ESR1: variants seen among roughly 807,000 people sequenced by gnomAD.
The protein encoded by ESR1 is estrogen receptor.
ESR1 carries 12 observed loss-of-function variants against 52.7 expected under a neutral mutation model. The ratio of observed to expected loss-of-function variants is 0.23; its 90% CI spans 0.15 to 0.37. The LOEUF (loss-of-function observed/expected upper bound fraction) is 0.37. ESR1 is among the 10% of genes least tolerant of loss of function. The pLI is 1.00. For synonymous variants in ESR1, 305 were observed against 316.8 expected, an observed-to-expected ratio of 0.96 and a Z score of 0.39; for missense variants, 584 against 779.7, an observed-to-expected ratio of 0.75 and a Z score of 2.99.
In ESR1 at chr6:152,101,034, GT is replaced by G. The variant is rs11285435; in HGVS notation, c.*2085del. On this transcript the variant is annotated 3_prime_UTR_variant, in exon 8 of 8. Transcript: ENST00000206249. ...TGCAAAAACCAAGGAAAAATATTTA[GT>G]TTTTTTTTTTTTTTTTGTATACTTT... 32,230 of 193,706 alleles carry G rather than the reference GT, an allele frequency of 0.17. 1,220 individuals carry two copies. The highest frequency in any genetic ancestry group is 0.18 in the Non-Finnish European group (18,286 of 99,648). 12.0% of individuals were successfully genotyped at this position (193,706 alleles called of 1,614,324 possible).
intron 4 of ESR1, among the ~76,000 whole-genome samples, chr6:152,010,465 G>A (rs1308148513): frequency 6.6e-6 from 1 of 152,086 alleles, no homozygotes; most frequent in Non-Finnish European, 1.5e-5. Flanking sequence ...AGGAAAGGTT[G>A]AGGGCAAAGA....
At chr6:151,843,400 G>A (rs1018505628) in intron 2 of ESR1, among the ~76,000 whole-genome samples, 4 of 152,100 alleles carry the variant, frequency 2.6e-5, no homozygotes, top group Admixed American at 6.5e-5. Context: ...TCATTTTCCC[G>A]CCTGCCTCCA....
chr6:152,030,151 C>T (rs971082165), intron 5 of ESR1, among the ~76,000 whole-genome samples: 21 of 152,200 alleles, frequency 1.4e-4, no homozygotes, highest in South Asian at 4.1e-4. Flanking sequence ...GCACTAAACA[C>T]GGAAAGGAAC....
chr6:152,053,446 C>T lies in ESR1; in HGVS notation c.1236-7545C>T, dbSNP rs1005739656. Among the ~76,000 whole-genome samples, 2 of 152,024 alleles carry T rather than the reference C, an allele frequency of 1.3e-5. No individual in the cohort carries two copies. The highest frequency in any genetic ancestry group is 4.8e-5 in the African/African-American group (2 of 41,380). ...CCTCTCTCTTTCAATCTTTCTCTCC[C>T]TCAGTCTCTCTTTCTCTTTCCCTCT... is the stretch of plus-strand genomic sequence containing the variant. On this transcript the variant is annotated intron_variant, in intron 5 of 7. Coordinates refer to ENST00000206249, the MANE Select transcript of ESR1 (RefSeq NM_000125.4). The surrounding 1 kb of genome is among the most constrained non-coding windows in gnomAD (Gnocchi z 4.1).
At chr6:152,033,546 C>T (rs1239269435) in intron 5 of ESR1, among the ~76,000 whole-genome samples, 1 of 152,172 alleles carries the variant, frequency 6.6e-6, no homozygotes, top group Non-Finnish European at 1.5e-5. Flanking sequence ...TGAAAAAATG[C>T]TCATCATCAC....
At chr6:152,048,620 G>T (rs1279829756) in intron 5 of ESR1, among the ~76,000 whole-genome samples, 2 of 152,108 alleles carry the variant, frequency 1.3e-5, no homozygotes, top group Non-Finnish European at 2.9e-5. Flanking sequence ...TAAACCTTCA[G>T]CACTGAACTC....
At chr6:151,799,783 T>C (rs1375470735), upstream of ESR1, among the ~76,000 whole-genome samples, 1 of 152,192 alleles carries the variant, frequency 6.6e-6, no homozygotes, top group African/African-American at 2.4e-5. Context: ...CAAGGGAGAC[T>C]TGAAGCATGA....
intron 2 of ESR1, among the ~76,000 whole-genome samples, chr6:151,797,536 C>T (rs920364573): frequency 1.3e-5 from 2 of 152,236 alleles, no homozygotes; most frequent in African/African-American, 4.8e-5. Flanking sequence ...AATACTCTCT[C>T]CTCATTTTTC....
intron 4 of ESR1, among the ~76,000 whole-genome samples, chr6:151,951,836 G>A (rs2128557618): frequency 6.6e-6 from 1 of 152,310 alleles, no homozygotes; most frequent in East Asian, 1.9e-4. Flanking sequence ...ATCAAGCTCA[G>A]TTGCTTCTCC....
chr6:151,932,788 G>A (rs1257692387), intron 3 of ESR1, among the ~76,000 whole-genome samples: 12 of 150,234 alleles, frequency 8.0e-5, no homozygotes, highest in African/African-American at 2.9e-4. Context: ...ATTTCTGAGG[G>A]CTCTGTTCTG....
exon 7 of ESR1, chr6:152,125,460 T>A (rs1370904623): frequency 5.2e-6 from 7 of 1,338,848 alleles, no homozygotes; most frequent in Non-Finnish European, 4.0e-6. Context: ...TAAATTAGTC[T>A]CTCTGGCCTT....
At chr6:151,887,364 A>C (rs1432072225) in intron 3 of ESR1, among the ~76,000 whole-genome samples, 1 of 151,550 alleles carries the variant, frequency 6.6e-6, no homozygotes, top group Non-Finnish European at 1.5e-5. Context: ...TTTATTAAAA[A>C]CTCCCCATAT....
At chr6:151,756,760 C>T (rs11155812) in intron 2 of ESR1, among the ~76,000 whole-genome samples, 67,337 of 151,996 alleles carry the variant, frequency 0.44, 16,544 homozygotes, top group Non-Finnish European at 0.55. Context: ...GAGGCCGAGG[C>T]GGGCAGATCA....
upstream of ESR1, chr6:151,804,744 T>G (rs1190342543): frequency 6.6e-6 from 1 of 152,212 alleles, no homozygotes; most frequent in African/African-American, 2.4e-5. Context: ...CCTGGCATTG[T>G]GATTAGAGTC....
chr6:152,022,614 A>G (rs2043761867), intron 5 of ESR1, among the ~76,000 whole-genome samples: 1 of 152,100 alleles, frequency 6.6e-6, no homozygotes. Context: ...GCCTGGGGTT[A>G]AGGCAGTTTT....
At chr6:151,976,558 A>G (rs1428545963) in intron 4 of ESR1, among the ~76,000 whole-genome samples, 2 of 152,142 alleles carry the variant, frequency 1.3e-5, no homozygotes, top group Non-Finnish European at 2.9e-5. Flanking sequence ...TCAGAATAGT[A>G]TTAATATTTC....
intron 2 of ESR1, among the ~76,000 whole-genome samples, chr6:151,872,718 T>G (rs1409569604): frequency 6.6e-6 from 1 of 152,224 alleles, no homozygotes; most frequent in Non-Finnish European, 1.5e-5. Flanking sequence ...TTGCTTTGGT[T>G]ACAGTAGATA....
chr6:151,922,942 C>T (rs867596548), intron 3 of ESR1, among the ~76,000 whole-genome samples: 3 of 152,212 alleles, frequency 2.0e-5, no homozygotes, highest in Admixed American at 6.5e-5. Flanking sequence ...ATGGAACATT[C>T]TAGCCTTCTC....
chr6:151,966,308 A>G (rs2038268661), intron 4 of ESR1, among the ~76,000 whole-genome samples: 1 of 152,126 alleles, frequency 6.6e-6, no homozygotes, highest in Non-Finnish European at 1.5e-5. Context: ...TTCCGAGAAA[A>G]TATTACTTAT....
Sources: allele counts gnomAD v4.1 joint callset (sites outside exome capture counted in the v4.1 genomes callset), GRCh38; gene constraint gnomAD v4.1.1; non-coding constraint Gnocchi (gnomAD v3.1); transcripts MANE v1.5; gene names NCBI Gene and HGNC (gene_info 2026-07-23, HGNC 2026-07-21).